Variants in LYZL2 observed in about 807,000 individuals in gnomAD.
LYZL2 encodes the protein lysozyme-like protein 2.
Under a neutral mutation model 17.1 loss-of-function variants are expected in LYZL2, and 13 were observed. That is an observed-to-expected ratio of 0.76 (90% CI 0.49 to 1.21). The LOEUF is 1.21. LYZL2 is among the 50% of genes most tolerant of loss of function. LYZL2 has a pLI of 0.00. For missense variants in LYZL2, 166 were observed against 189.2 expected, an observed-to-expected ratio of 0.88 and a Z score of 0.72; for synonymous variants, 63 against 74.4, an observed-to-expected ratio of 0.85 and a Z score of 0.79.
At chr10:30,621,985 T>C (rs964366523) in intron 3 of LYZL2, among the ~76,000 whole-genome samples, 6 of 152,116 alleles carry the variant, frequency 3.9e-5, no homozygotes, top group Non-Finnish European at 7.4e-5. Flanking sequence ...AAGGATGGAA[T>C]AGGAAAAATT....
At chr10:30,626,546 C>G (rs1164889424) in intron 2 of LYZL2, among the ~76,000 whole-genome samples, 1 of 152,174 alleles carries the variant, frequency 6.6e-6, no homozygotes, top group Admixed American at 6.5e-5. Context: ...ATTATTTTCC[C>G]CTTCCCTGGC....
At chr10:30,625,045 C>A (rs1434348473) in intron 3 of LYZL2, among the ~76,000 whole-genome samples, 6 of 152,100 alleles carry the variant, frequency 3.9e-5, no homozygotes. Flanking sequence ...CTCAGTTCGA[C>A]ACCCCCAAGG....
At chr10:30,621,079 T>C (rs1359536500) in intron 3 of LYZL2, among the ~76,000 whole-genome samples, 8 of 152,108 alleles carry the variant, frequency 5.3e-5, no homozygotes, top group Admixed American at 4.6e-4. Context: ...ATGAAAATTA[T>C]AAACTCAGGG....
At chr10:30,618,574 GA>G (rs1240115547) in intron 3 of LYZL2, among the ~76,000 whole-genome samples, 1 of 152,196 alleles carries the variant, frequency 6.6e-6, no homozygotes, top group Non-Finnish European at 1.5e-5. Flanking sequence ...AAGAAATGGG[GA>G]AAGAATTCTC....
In LYZL2 at chr10:30,619,842, A is replaced by G. The variant is rs182509118; in HGVS notation, c.298+6263T>C. On this transcript the variant is annotated intron_variant, in intron 3 of 4. Coordinates refer to ENST00000647634, the MANE Select transcript of LYZL2 (RefSeq NM_183058.3). ...TAAAGTACAATAATAAAAAAATTAA[A>G]AAAAAGAAAAGAAAATTTAGATATT... is the stretch of plus-strand genomic sequence containing the variant. Among the ~76,000 whole-genome samples the G allele has an allele frequency of 5.1e-3, 782 of 152,330 alleles. 9 individuals are homozygous for G. The highest frequency in any genetic ancestry group is 0.018 in the African/African-American group (744 of 41,582).
At chr10:30,622,821 A>C (rs1176932962) in intron 3 of LYZL2, among the ~76,000 whole-genome samples, 1 of 152,224 alleles carries the variant, frequency 6.6e-6, no homozygotes, top group Non-Finnish European at 1.5e-5. Flanking sequence ...ACATTTGCTG[A>C]CCTATGTTTT....
At chr10:30,624,244 T>A (rs1272152498) in intron 3 of LYZL2, among the ~76,000 whole-genome samples, 3 of 152,126 alleles carry the variant, frequency 2.0e-5, no homozygotes, top group Admixed American at 2.0e-4. Flanking sequence ...TCCTCTGACT[T>A]CTGGAGGGGT....
At chr10:30,627,895 C>CA (rs1263509647) in intron 1 of LYZL2, among the ~76,000 whole-genome samples, 1 of 152,218 alleles carries the variant, frequency 6.6e-6, no homozygotes, top group Non-Finnish European at 1.5e-5. Context: ...CGCGGTGGCT[C>CA]ACGCCTGTAA....
chr10:30,610,948 G>A (rs1449272934), downstream of LYZL2, among the ~76,000 whole-genome samples: 4 of 152,090 alleles, frequency 2.6e-5, no homozygotes, highest in Non-Finnish European at 5.9e-5. Context: ...TGGTGTCTAG[G>A]CTTGTGGGTA....
intron 3 of LYZL2, among the ~76,000 whole-genome samples, chr10:30,619,519 C>G (rs1838586550): frequency 6.6e-6 from 1 of 151,980 alleles, no homozygotes; most frequent in African/African-American, 2.4e-5. Context: ...GAGTTCATGT[C>G]CTTTGTAGGG....
chr10:30,619,189 G>A (rs1838581110), intron 3 of LYZL2, among the ~76,000 whole-genome samples: 1 of 152,210 alleles, frequency 6.6e-6, no homozygotes, highest in African/African-American at 2.4e-5. Context: ...AGGTGCTAGA[G>A]AGGATGTGGA....
chr10:30,624,342 T>C (rs1041300669), intron 3 of LYZL2, among the ~76,000 whole-genome samples: 37 of 152,364 alleles, frequency 2.4e-4, no homozygotes, highest in African/African-American at 8.4e-4. Flanking sequence ...GCTTTATTTC[T>C]GTCAGGTCAC....
chr10:30,617,679 A>AAAAAAAAAAAAAAAAAAAAAAAAAAAG (rs1838554252), intron 3 of LYZL2, among the ~76,000 whole-genome samples: 3 of 106,978 alleles, frequency 2.8e-5, no homozygotes, highest in Non-Finnish European at 6.0e-5. Flanking sequence ...TGTCTCAAAA[A>AAAAAAAAAAAAAAAAAAAAAAAAAAAG]AAAAAAAAAA....
chr10:30,608,359 A>G (rs1257284414), downstream of LYZL2, among the ~76,000 whole-genome samples: 1 of 152,258 alleles, frequency 6.6e-6, no homozygotes, highest in Admixed American at 6.5e-5. Context: ...TTGGAGACAC[A>G]GAGAAAATCT....
chr10:30,610,678 C>T (rs1838420782), downstream of LYZL2, among the ~76,000 whole-genome samples: 2 of 152,138 alleles, frequency 1.3e-5, no homozygotes, highest in Non-Finnish European at 2.9e-5. Context: ...AGCAATCTTC[C>T]CACCTTGGCC....
At chr10:30,611,146 A>T (rs1838427100), downstream of LYZL2, among the ~76,000 whole-genome samples, 1 of 152,172 alleles carries the variant, frequency 6.6e-6, no homozygotes, top group South Asian at 2.1e-4. Context: ...ACAATGAAGA[A>T]GGGACGTTTG....
At chr10:30,626,601 A>G (rs1838710803) in intron 2 of LYZL2, among the ~76,000 whole-genome samples, 176 bp downstream of exon 2, 1 of 152,116 alleles carries the variant, frequency 6.6e-6, no homozygotes, top group African/African-American at 2.4e-5. Context: ...AATGAGGGGC[A>G]GGGGAGGAAG....
intron 3 of LYZL2, among the ~76,000 whole-genome samples, chr10:30,624,330 C>A (rs1179770845): frequency 6.6e-6 from 1 of 152,146 alleles, no homozygotes; most frequent in African/African-American, 2.4e-5. Flanking sequence ...TAATATCTTC[C>A]AGCTTTATTT....
intron 3 of LYZL2, among the ~76,000 whole-genome samples, chr10:30,615,343 T>A (rs566255806): frequency 2.0e-4 from 31 of 152,314 alleles, no homozygotes; most frequent in Admixed American, 1.2e-3. Context: ...GTTGAACTCA[T>A]AAAAGCAGAG....
Sources: gnomAD v4.1 joint callset for allele counts (sites outside exome capture counted in the v4.1 genomes callset) on GRCh38, gnomAD v4.1.1 for gene constraint, MANE v1.5 for transcripts, NCBI Gene and HGNC (gene_info 2026-07-23, HGNC 2026-07-21) for gene names.